The following DPP10 variants were observed in gnomAD, a reference collection of about 807,000 sequenced individuals.
The protein encoded by DPP10 is dipeptidyl peptidase like 10.
A neutral mutation model predicts 120.9 loss-of-function variants in DPP10; 33 were observed. The observed-to-expected ratio is 0.27, with a 90% CI of 0.21 to 0.37. DPP10 has a LOEUF of 0.37. Among genes scored for constraint, DPP10 ranks in the 10% least tolerant of loss-of-function variants. DPP10 has a pLI of 1.00. For synonymous variants in DPP10, 337 were observed against 326.1 expected (o/e 1.03, Z -0.36); for missense variants, 816 against 942.8 (o/e 0.87, Z 1.76).
chr2:115,711,704 C>T (rs35098073), intron 7 of DPP10, among the ~76,000 whole-genome samples: 1 of 152,084 alleles, frequency 6.6e-6, no homozygotes, highest in South Asian at 2.1e-4. Flanking sequence ...GAAATAACTT[C>T]TTAAAGATGA....
At chr2:115,317,276 A>G (rs1195240966) in intron 2 of DPP10, among the ~76,000 whole-genome samples, 1 of 150,552 alleles carries the variant, frequency 6.6e-6, no homozygotes, top group Non-Finnish European at 1.5e-5. Context: ...TTTCACATAA[A>G]TGGAATCAAA....
At chr2:114,849,943 C>T (rs1341964482) in intron 1 of DPP10, among the ~76,000 whole-genome samples, 1 of 151,636 alleles carries the variant, frequency 6.6e-6, no homozygotes, top group African/African-American at 2.4e-5. Flanking sequence ...CTGTTCTCTC[C>T]TTTCCTTTCC....
intron 1 of DPP10, among the ~76,000 whole-genome samples, chr2:114,789,829 A>T (rs1037891564): frequency 1.3e-5 from 2 of 152,240 alleles, no homozygotes; most frequent in Non-Finnish European, 2.9e-5. Context: ...TGTGACACAG[A>T]GCACCAGAGA....
intron 1 of DPP10, among the ~76,000 whole-genome samples, chr2:115,088,330 C>CT (rs1708900025): frequency 6.6e-6 from 1 of 152,128 alleles, no homozygotes; most frequent in East Asian, 1.9e-4. Context: ...GTCTATAGTG[C>CT]TTTTCAGTCT....
Position 115,576,353 on chromosome 2 carries a change from G to A in DPP10, c.441+50381G>A, listed in dbSNP as rs146091409. ...GGTGTATAGCAGTGCATGATAAATT[G>A]GCAAATAAATTCTGCTAAGTTTTCA... On this transcript the variant is annotated intron_variant, in intron 5 of 25. Transcript: ENST00000410059. Among the ~76,000 whole-genome samples, 1,395 of 152,214 alleles carry A rather than the reference G, an allele frequency of 9.2e-3. 21 individuals are homozygous for A. The highest frequency in any genetic ancestry group is 0.032 in the African/African-American group (1,340 of 41,534).
At chr2:114,725,427 A>G (rs1460082717) in intron 1 of DPP10, among the ~76,000 whole-genome samples, 1 of 152,050 alleles carries the variant, frequency 6.6e-6, no homozygotes, top group East Asian at 1.9e-4. Flanking sequence ...TCCTTACATG[A>G]CCTTCTTACC....
Position 115,713,028 on chromosome 2 carries a change from A to C in DPP10, c.577-14788A>C, listed in dbSNP as rs193117197. 1.6e-4 allele frequency among the ~76,000 whole-genome samples: 24 copies of C among 152,232 alleles called. No homozygotes were observed. The East Asian group carries it at 4.7e-3, about 30-fold the overall frequency. ...GATGCCTATTAGAATTTTTTTTTAG[A>C]AAATCACTCTTCTACAATGAGGAGC... On this transcript the variant is annotated intron_variant, in intron 7 of 25. Coordinates refer to ENST00000410059, the MANE Select transcript of DPP10 (RefSeq NM_020868.6).
At chr2:115,767,550 T>G (rs937411118) in intron 12 of DPP10, among the ~76,000 whole-genome samples, 1 of 151,742 alleles carries the variant, frequency 6.6e-6, no homozygotes, top group African/African-American at 2.4e-5. Flanking sequence ...AGTGTGTGTA[T>G]ATATACACAC....
chr2:115,300,736 T>G (rs2105973995), intron 1 of DPP10, among the ~76,000 whole-genome samples: 1 of 152,182 alleles, frequency 6.6e-6, no homozygotes, highest in Admixed American at 6.6e-5. Flanking sequence ...ATTTTCTTGA[T>G]TTTCTTTAGT....
At chr2:115,471,942 G>T (rs1002556881) in intron 3 of DPP10, among the ~76,000 whole-genome samples, 1 of 151,778 alleles carries the variant, frequency 6.6e-6, no homozygotes, top group Non-Finnish European at 1.5e-5. Context: ...TTCAAGTTTT[G>T]GTGACATTAC....
chr2:114,568,161 G>C (rs551614106), intron 1 of DPP10, among the ~76,000 whole-genome samples: 6 of 151,176 alleles, frequency 4.0e-5, no homozygotes, highest in Non-Finnish European at 8.8e-5. Flanking sequence ...CTTCCCCATA[G>C]TTTTTTTTCT....
chr2:115,004,457 C>T (rs982174686), intron 1 of DPP10, among the ~76,000 whole-genome samples: 12 of 152,284 alleles, frequency 7.9e-5, no homozygotes, highest in Admixed American at 2.6e-4. Flanking sequence ...TCTGAGGTAC[C>T]GGGTTCATCT....
intron 5 of DPP10, among the ~76,000 whole-genome samples, chr2:115,562,286 G>A (rs1162745261): frequency 2.0e-5 from 3 of 152,028 alleles, no homozygotes; most frequent in Non-Finnish European, 2.9e-5. Context: ...CTCTACCTCT[G>A]CCTCTATTCT....
chr2:115,672,603 A>G (rs1419405710), intron 5 of DPP10, among the ~76,000 whole-genome samples: 3 of 149,622 alleles, frequency 2.0e-5, no homozygotes, highest in African/African-American at 7.5e-5. Flanking sequence ...TCCTTGATTG[A>G]TTGTCATCAT....
rs554476659 is a variant in DPP10, at chr2:114,676,786, T to C, written c.60+233948T>C. On this transcript the variant is annotated intron_variant, in intron 1 of 25. Coordinates refer to ENST00000410059, the MANE Select transcript of DPP10 (RefSeq NM_020868.6). ...ATGTATATATGTGTATGTATTAATA[T>C]GTATTCTTTCCCGCAAGACTAGATC... Among the ~76,000 whole-genome samples, 14 of 152,232 alleles carry C rather than the reference T, an allele frequency of 9.2e-5. No homozygotes were observed. In the South Asian group the frequency reaches 2.9e-3, roughly 32 times the overall value.
intron 1 of DPP10, among the ~76,000 whole-genome samples, chr2:115,096,246 C>G (rs970750459): frequency 6.6e-6 from 1 of 152,096 alleles, no homozygotes; most frequent in African/African-American, 2.4e-5. Context: ...AACACATGAG[C>G]ATAGCTGTGT....
intron 1 of DPP10, among the ~76,000 whole-genome samples, chr2:114,900,932 A>G (rs1444071298): frequency 6.6e-6 from 1 of 152,242 alleles, no homozygotes; most frequent in Non-Finnish European, 1.5e-5. Context: ...TTTTTGCACC[A>G]AAATAAACTC....
rs916121321 is a variant in DPP10, at chr2:115,266,000, T to C, written c.61-43239T>C. On this transcript the variant is annotated intron_variant, in intron 1 of 25. Transcript: ENST00000410059. ...GAAGCTTATTTTGGCTAAAATGTAA[T>C]ACTAGAAGTTATCAAAGATGAAGAA... Among the ~76,000 whole-genome samples the C allele has an allele frequency of 2.0e-5, 3 of 151,566 alleles. No individual in the cohort carries two copies. The South Asian group carries it at 6.2e-4, about 31-fold the overall frequency.
intron 1 of DPP10, among the ~76,000 whole-genome samples, chr2:114,499,516 G>A (rs775673538): frequency 3.3e-5 from 5 of 151,360 alleles, no homozygotes; most frequent in Admixed American, 6.6e-5. Flanking sequence ...CACTTCTGCT[G>A]TTTTGGGACT....
Sources: gnomAD v4.1 joint callset for allele counts (sites outside exome capture counted in the v4.1 genomes callset) on GRCh38, gnomAD v4.1.1 for gene constraint, MANE v1.5 for transcripts, NCBI Gene and HGNC (gene_info 2026-07-23, HGNC 2026-07-21) for gene names.